The following NCALD variants were observed in gnomAD, a reference collection of about 807,000 sequenced individuals.
NCALD encodes neurocalcin delta, also known as neurocalcin-delta.
NCALD carries 10 observed loss-of-function variants against 18.6 expected under a neutral mutation model. That is an observed-to-expected ratio of 0.54 (90% confidence interval 0.33 to 0.91). The LOEUF is 0.91. Ranked by LOEUF, NCALD falls within the 40% of genes least tolerant of loss-of-function variation. The pLI, the probability that NCALD is intolerant of heterozygous loss-of-function variation, is 0.03. For synonymous variants in NCALD, 88 were observed against 87.4 expected (o/e 1.01, Z -0.04); for missense variants, 184 against 247.6 (o/e 0.74, Z 1.72).
At chr8:101,986,124 A>G (rs6990972) in intron 2 of NCALD, among the ~76,000 whole-genome samples, 97,445 of 151,858 alleles carry the variant, frequency 0.64, 32,632 homozygotes, top group African/African-American at 0.83. Context: ...TCCGCCTCCC[A>G]GGTTCAAGCG....
At chr8:101,981,342 T>C (rs555521284) in intron 2 of NCALD, among the ~76,000 whole-genome samples, 14 of 152,336 alleles carry the variant, frequency 9.2e-5, no homozygotes, top group Admixed American at 7.8e-4. Flanking sequence ...CAGTTATATT[T>C]TAGTTTTATT....
At chr8:101,696,387 G>A (rs1168858406) in intron 2 of NCALD, among the ~76,000 whole-genome samples, 1 of 152,226 alleles carries the variant, frequency 6.6e-6, no homozygotes, top group Non-Finnish European at 1.5e-5. Context: ...TGATGATATA[G>A]TGGGAGAGTT....
chr8:101,964,835 A>C (rs905641437), intron 2 of NCALD, among the ~76,000 whole-genome samples: 1 of 152,202 alleles, frequency 6.6e-6, no homozygotes, highest in Non-Finnish European at 1.5e-5. Context: ...TATTTCATAA[A>C]AACAGAAAAT....
intron 2 of NCALD, among the ~76,000 whole-genome samples, chr8:101,957,558 C>T (rs1164536440): frequency 6.6e-6 from 1 of 152,030 alleles, no homozygotes; most frequent in East Asian, 1.9e-4. Flanking sequence ...CGCTGGCAGC[C>T]TGGAGGATAT....
intron 1 of NCALD, among the ~76,000 whole-genome samples, chr8:101,758,727 G>C (rs1334677841): frequency 1.3e-5 from 2 of 152,198 alleles, no homozygotes; most frequent in Non-Finnish European, 2.9e-5. Flanking sequence ...CTACAGATTA[G>C]AGTTCCCTCA....
chr8:101,986,875 G>C (rs375331766), intron 2 of NCALD, among the ~76,000 whole-genome samples: 1 of 145,828 alleles, frequency 6.9e-6, no homozygotes. Context: ...TTTTGAGCTT[G>C]AGCCAGCCAG....
chr8:101,694,615 G>T (rs963202441), intron 2 of NCALD, among the ~76,000 whole-genome samples: 2 of 152,096 alleles, frequency 1.3e-5, no homozygotes, highest in East Asian at 3.9e-4. Context: ...TGCTGTCTAG[G>T]ATTATGGGTG....
chr8:101,979,406 A>G (rs1042811631), intron 2 of NCALD, among the ~76,000 whole-genome samples: 6 of 152,154 alleles, frequency 3.9e-5, no homozygotes, highest in African/African-American at 1.4e-4. Flanking sequence ...CAACGTTCCT[A>G]CTCTTAGGCA....
At chr8:101,743,714 T>C (rs1320020607) in intron 1 of NCALD, among the ~76,000 whole-genome samples, 1 of 152,174 alleles carries the variant, frequency 6.6e-6, no homozygotes, top group Non-Finnish European at 1.5e-5. Context: ...AGGATGACAA[T>C]AAACCAATCT....
intron 2 of NCALD, among the ~76,000 whole-genome samples, chr8:101,701,435 T>A (rs1420489600): frequency 2.0e-5 from 3 of 152,204 alleles, no homozygotes; most frequent in Admixed American, 2.0e-4. Context: ...TCTGGGTAAA[T>A]GCAGAGCTTT....
intron 4 of NCALD, among the ~76,000 whole-genome samples, chr8:101,800,635 C>T (rs1177812633): frequency 6.6e-6 from 1 of 151,650 alleles, no homozygotes; most frequent in Non-Finnish European, 1.5e-5. Context: ...GCAAGAGACA[C>T]ACTTTGAAAT....
intron 2 of NCALD, among the ~76,000 whole-genome samples, chr8:101,929,425 GGAA>G: frequency 2.0e-5 from 1 of 49,054 alleles, no homozygotes; most frequent in Non-Finnish European, 4.2e-5. Flanking sequence ...AAGGGAGGGA[GGAA>G]GGAAGGAAGG....
chr8:102,057,036 C>A (rs1314260103), intron 1 of NCALD, among the ~76,000 whole-genome samples: 1 of 152,150 alleles, frequency 6.6e-6, no homozygotes, highest in Non-Finnish European at 1.5e-5. Context: ...TTCAAACATT[C>A]CTAACAACCC....
intron 2 of NCALD, among the ~76,000 whole-genome samples, chr8:102,012,529 G>A (rs566873094): frequency 4.3e-4 from 66 of 152,296 alleles, no homozygotes; most frequent in African/African-American, 1.4e-3. Context: ...CACCAACAGC[G>A]CCTGCCTCAA....
chr8:101,775,690 A>G (rs1811763954), intron 1 of NCALD, among the ~76,000 whole-genome samples: 1 of 152,142 alleles, frequency 6.6e-6, no homozygotes, highest in Non-Finnish European at 1.5e-5. Context: ...TCAGATCCAG[A>G]TGGAGGTTGG....
intron 4 of NCALD, among the ~76,000 whole-genome samples, chr8:101,847,799 G>C (rs1323615425): frequency 1.3e-5 from 2 of 152,170 alleles, no homozygotes; most frequent in Admixed American, 6.5e-5. Context: ...ACACCTCCCA[G>C]GTGTCCTGAG....
intron 1 of NCALD, among the ~76,000 whole-genome samples, chr8:101,754,389 C>T (rs1810787414): frequency 6.6e-6 from 1 of 152,062 alleles, no homozygotes; most frequent in African/African-American, 2.4e-5. Flanking sequence ...GGGGAACTTA[C>T]AAACAGCAGA....
At chr8:101,865,782 T>C (rs888285994) in intron 4 of NCALD, among the ~76,000 whole-genome samples, 2 of 152,176 alleles carry the variant, frequency 1.3e-5, no homozygotes, top group Non-Finnish European at 2.9e-5. Flanking sequence ...GTCATTGTAT[T>C]TCTGCTATTT....
At chr8:101,892,864 GA>G (rs1276487872) in intron 3 of NCALD, among the ~76,000 whole-genome samples, 2 of 149,600 alleles carry the variant, frequency 1.3e-5, no homozygotes, top group Admixed American at 6.6e-5. Context: ...GGGACTATGT[GA>G]AAAAACCAAA....
Sources: gnomAD v4.1 joint callset for allele counts (sites outside exome capture counted in the v4.1 genomes callset) on GRCh38, gnomAD v4.1.1 for gene constraint, MANE v1.5 for transcripts, NCBI Gene and HGNC (gene_info 2026-07-23, HGNC 2026-07-21) for gene names.